Variants in CTNNA3 observed in about 807,000 individuals in gnomAD.
CTNNA3 encodes the protein catenin alpha 3, also known as catenin alpha-3.
In CTNNA3, 76 loss-of-function variants were observed where a neutral mutation model predicts 95.7. The observed-to-expected ratio is 0.79, with a 90% CI of 0.66 to 0.96. The LOEUF is 0.96. Ranked by LOEUF, CTNNA3 falls within the 40% of genes least tolerant of loss-of-function variation. The pLI, the probability that CTNNA3 is intolerant of heterozygous loss-of-function variation, is 0.00. For synonymous variants in CTNNA3, 431 were observed against 374.4 expected (o/e 1.15, Z -1.74); for missense variants, 1,191 against 1,089.8 (o/e 1.09, Z -1.31).
chr10:66,865,660 A>G (rs1359742694), intron 7 of CTNNA3, among the ~76,000 whole-genome samples: 1 of 152,122 alleles, frequency 6.6e-6, no homozygotes, highest in East Asian at 1.9e-4. Flanking sequence ...ATCACAGAAG[A>G]TGTATTCACA....
chr10:67,759,980 C>T (rs1317041867), intron 1 of CTNNA3, among the ~76,000 whole-genome samples: 1 of 152,214 alleles, frequency 6.6e-6, no homozygotes, highest in Non-Finnish European at 1.5e-5. Context: ...CCACATTCCT[C>T]ACCCACAGAA....
Position 67,216,810 on chromosome 10 carries a change from C to A in CTNNA3, c.843+2797G>T, listed in dbSNP as rs559997311. ...ACAGGAGACAATATGTCTTAATGGA[C>A]TTGGAATTTTCAAAGCAATTTTTAT... On this transcript the variant is annotated intron_variant, in intron 6 of 17. Transcript: ENST00000433211. Among the ~76,000 whole-genome samples, 18 of 152,280 alleles carry A rather than the reference C, an allele frequency of 1.2e-4. No individual in the cohort carries two copies. In the East Asian group the frequency reaches 2.7e-3, roughly 23 times the overall value.
chr10:67,695,358 ACAAT>A (rs1263701829), intron 1 of CTNNA3, among the ~76,000 whole-genome samples: 1 of 152,166 alleles, frequency 6.6e-6, no homozygotes, highest in East Asian at 1.9e-4. Flanking sequence ...GCAGCTGCTC[ACAAT>A]CATTCAGATC....
intron 1 of CTNNA3, among the ~76,000 whole-genome samples, chr10:67,743,119 A>G (rs1449858126): frequency 6.6e-6 from 1 of 151,366 alleles, no homozygotes; most frequent in Non-Finnish European, 1.5e-5. Context: ...TCCAATCAAT[A>G]GAAAAAGAGG....
chr10:66,958,248 C>T (rs914336187), intron 7 of CTNNA3, among the ~76,000 whole-genome samples: 29 of 141,968 alleles, frequency 2.0e-4, no homozygotes, highest in Non-Finnish European at 1.8e-4. Context: ...GAAGATTTAG[C>T]AACTTAGCAT....
intron 13 of CTNNA3, among the ~76,000 whole-genome samples, chr10:66,204,039 A>G (rs1564762066): frequency 6.6e-6 from 1 of 152,160 alleles, no homozygotes; most frequent in East Asian, 1.9e-4. Context: ...ACACATTGTC[A>G]TCTTTATTTT....
intron 11 of CTNNA3, among the ~76,000 whole-genome samples, chr10:66,432,098 G>T (rs969169147): frequency 4.6e-5 from 7 of 151,990 alleles, no homozygotes; most frequent in African/African-American, 1.7e-4. Context: ...TCTGGATATT[G>T]AGAAATACTT....
At chr10:67,216,127 T>C (rs1389741692) in intron 6 of CTNNA3, among the ~76,000 whole-genome samples, 4 of 152,290 alleles carry the variant, frequency 2.6e-5, no homozygotes, top group African/African-American at 9.6e-5. Flanking sequence ...TAAATGCTAA[T>C]CTGACTAACA....
chr10:67,136,794 G>T (rs1751305572), intron 7 of CTNNA3, among the ~76,000 whole-genome samples: 1 of 152,158 alleles, frequency 6.6e-6, no homozygotes, highest in African/African-American at 2.4e-5. Flanking sequence ...AATATAGAAA[G>T]AAATCATCCT....
Position 66,795,631 on chromosome 10 carries a change from C to T in CTNNA3, c.1048-20107G>A, listed in dbSNP as rs779534906. 5.1e-4 allele frequency among the ~76,000 whole-genome samples: 77 copies of T among 152,274 alleles called. 1 individual carries two copies. Among genetic ancestry groups the T allele is most frequent in the Admixed American group, 1.4e-3 (21 of 15,286 alleles). ...CTCTAGCCACCAACAACAGAGTGAGCTTGTCCTTTGAAGATTTGAAGCCAG... is the reference window on the plus strand; with the variant it reads ...CTCTAGCCACCAACAACAGAGTGAGTTTGTCCTTTGAAGATTTGAAGCCAG... On this transcript the variant is annotated intron_variant, in intron 7 of 17. Transcript: ENST00000433211.
chr10:66,023,960 T>C (rs2079278293), intron 15 of CTNNA3, among the ~76,000 whole-genome samples: 1 of 152,186 alleles, frequency 6.6e-6, no homozygotes, highest in Non-Finnish European at 1.5e-5. Flanking sequence ...TTATGGTGAC[T>C]ATTCAGAAAC....
intron 7 of CTNNA3, among the ~76,000 whole-genome samples, chr10:66,957,392 A>C (rs4745922): frequency 2.2e-5 from 2 of 89,468 alleles, no homozygotes; most frequent in Non-Finnish European, 4.3e-5. Flanking sequence ...GTATATATAT[A>C]CATATATATA....
At chr10:66,604,382 T>C (rs748916968) in intron 10 of CTNNA3, among the ~76,000 whole-genome samples, 12 of 152,146 alleles carry the variant, frequency 7.9e-5, no homozygotes, top group African/African-American at 9.7e-5. Flanking sequence ...TCCACCGCTG[T>C]GGTGAATGTC....
chr10:66,670,790 T>G (rs980760370), intron 9 of CTNNA3, among the ~76,000 whole-genome samples: 4 of 152,210 alleles, frequency 2.6e-5, no homozygotes, highest in Non-Finnish European at 5.9e-5. Flanking sequence ...GACATCTGAA[T>G]TCTGTCTACC....
chr10:66,426,830 A>G (rs2093246277), intron 11 of CTNNA3, among the ~76,000 whole-genome samples: 1 of 151,912 alleles, frequency 6.6e-6, no homozygotes, highest in African/African-American at 2.4e-5. Context: ...AAAAATGCTT[A>G]TTCTTTGTGG....
chr10:66,730,054 C>T (rs888269278), intron 9 of CTNNA3, among the ~76,000 whole-genome samples: 12 of 148,712 alleles, frequency 8.1e-5, no homozygotes, highest in African/African-American at 2.7e-4. Flanking sequence ...TGCAGTAAGC[C>T]GAGATTGTGC....
Position 65,914,670 on chromosome 10 carries a change from T to C in CTNNA3, c.*5660A>G, listed in dbSNP as rs2076984965. ...ATGTTAGCAGTAAAAGAGGAAAGGATTGGTGTTAACAAATGGTATTAACCA... is the reference window on the plus strand; with the variant it reads ...ATGTTAGCAGTAAAAGAGGAAAGGACTGGTGTTAACAAATGGTATTAACCA... On this transcript the variant is annotated 3_prime_UTR_variant, in exon 18 of 18. Transcript: ENST00000433211. 1 of 152,138 alleles carries C rather than the reference T, an allele frequency of 6.6e-6. No individual in the cohort carries two copies. Among genetic ancestry groups the C allele is most frequent in the Non-Finnish European group, 1.5e-5 (1 of 68,028 alleles). 9.4% of individuals were successfully genotyped at this position (152,138 alleles called of 1,614,324 possible). A position where few individuals can be genotyped will look rare whatever the true frequency, so the allele number is the denominator to read the frequency against.
At chr10:66,267,365 G>C (rs1201978523) in intron 13 of CTNNA3, among the ~76,000 whole-genome samples, 1 of 151,916 alleles carries the variant, frequency 6.6e-6, no homozygotes, top group Non-Finnish European at 1.5e-5. Flanking sequence ...TCCAACTCTT[G>C]ACTCATTCAT....
intron 3 of CTNNA3, among the ~76,000 whole-genome samples, chr10:67,573,421 A>G (rs191492455): frequency 1.3e-5 from 2 of 152,296 alleles, no homozygotes; most frequent in Non-Finnish European, 2.9e-5. Context: ...ACAACATTCC[A>G]TAGCTTATGT....
Sources: allele counts gnomAD v4.1 joint callset (sites outside exome capture counted in the v4.1 genomes callset), GRCh38; gene constraint gnomAD v4.1.1; transcripts MANE v1.5; gene names NCBI Gene and HGNC (gene_info 2026-07-23, HGNC 2026-07-21).